The following TRABD2B variants were observed in gnomAD, a reference collection of about 807,000 sequenced individuals.
TRABD2B encodes metalloprotease TIKI2.
Under a neutral mutation model 40.1 loss-of-function variants are expected in TRABD2B, and 14 were observed. The observed-to-expected ratio is 0.35, with a 90% CI of 0.23 to 0.55. The LOEUF (loss-of-function observed/expected upper bound fraction) is 0.55. Ranked by LOEUF, TRABD2B falls within the 20% of genes least tolerant of loss-of-function variation. The pLI is 0.90. For missense variants in TRABD2B, 541 were observed against 648.6 expected (o/e 0.83, Z 1.80); for synonymous variants, 263 against 277.0 (o/e 0.95, Z 0.50).
At chr1:47,769,482 A>C (rs1644350987) in intron 6 of TRABD2B, among the ~76,000 whole-genome samples, 1 of 152,178 alleles carries the variant, frequency 6.6e-6, no homozygotes, top group Non-Finnish European at 1.5e-5. Context: ...GCTTGGCAGG[A>C]GTCCCAGAGA....
chr1:47,885,325 G>A (rs983639040), intron 2 of TRABD2B, among the ~76,000 whole-genome samples: 2 of 152,164 alleles, frequency 1.3e-5, no homozygotes, highest in Non-Finnish European at 2.9e-5. Flanking sequence ...CAGGCTAGGT[G>A]TGTTCTCAGT....
At chr1:47,891,974 T>C (rs764764956) in intron 2 of TRABD2B, among the ~76,000 whole-genome samples, 20 of 152,110 alleles carry the variant, frequency 1.3e-4, no homozygotes, top group African/African-American at 2.4e-4. Flanking sequence ...TTAGGCCACA[T>C]TAGGATTTAG....
chr1:47,832,684 A>G (rs1645266698), intron 2 of TRABD2B, among the ~76,000 whole-genome samples: 1 of 152,174 alleles, frequency 6.6e-6, no homozygotes, highest in East Asian at 1.9e-4. Flanking sequence ...TTACTTGAGC[A>G]CCTGCTGTCT....
intron 4 of TRABD2B, among the ~76,000 whole-genome samples, chr1:47,787,630 T>C (rs551812602): frequency 6.6e-6 from 1 of 152,314 alleles, no homozygotes; most frequent in South Asian, 2.1e-4. Context: ...CAATCTAGCC[T>C]CAGCTTCCAA....
At chr1:47,789,462 C>A (rs1019792830) in intron 4 of TRABD2B, among the ~76,000 whole-genome samples, 2 of 152,178 alleles carry the variant, frequency 1.3e-5, no homozygotes, top group South Asian at 2.1e-4. Context: ...TCATCTTATA[C>A]CATAACGTTC....
intron 2 of TRABD2B, among the ~76,000 whole-genome samples, chr1:47,929,692 C>T (rs1434497285): frequency 1.3e-5 from 2 of 152,178 alleles, no homozygotes; most frequent in Admixed American, 6.5e-5. Flanking sequence ...GAACCCAGCT[C>T]GGGACCTGGC....
At chr1:47,903,285 AG>A (rs1004812284) in intron 2 of TRABD2B, among the ~76,000 whole-genome samples, 6 of 152,074 alleles carry the variant, frequency 3.9e-5, no homozygotes, top group African/African-American at 1.4e-4. Flanking sequence ...ACCCTACGTC[AG>A]GGGGCTTCTG....
chr1:47,788,817 T>C (rs1644631282), intron 4 of TRABD2B, among the ~76,000 whole-genome samples: 1 of 152,136 alleles, frequency 6.6e-6, no homozygotes, highest in South Asian at 2.1e-4. Flanking sequence ...GAGTTTGAAA[T>C]GAATGGGCCC....
chr1:47,865,181 G>A (rs1281346153), intron 2 of TRABD2B, among the ~76,000 whole-genome samples: 3 of 152,216 alleles, frequency 2.0e-5, no homozygotes, highest in Non-Finnish European at 4.4e-5. Context: ...TTCTTTGGGA[G>A]GTCATTGCCC....
chr1:47,964,985 C>T (rs1645577251), intron 2 of TRABD2B, among the ~76,000 whole-genome samples: 1 of 151,918 alleles, frequency 6.6e-6, no homozygotes, highest in Admixed American at 6.6e-5. Context: ...CCATTCAGGG[C>T]ACTGAGCCAT....
intron 2 of TRABD2B, among the ~76,000 whole-genome samples, chr1:47,833,533 T>C (rs1353082403): frequency 6.6e-6 from 1 of 152,218 alleles, no homozygotes; most frequent in African/African-American, 2.4e-5. Context: ...CTGGGATGGG[T>C]GAACACATGC....
intron 2 of TRABD2B, among the ~76,000 whole-genome samples, chr1:47,971,397 G>A (rs1329235702): frequency 1.3e-5 from 2 of 152,192 alleles, no homozygotes; most frequent in African/African-American, 4.8e-5. Context: ...AGCCAGCCTT[G>A]GGTATAGTTA....
chr1:47,833,436 G>C (rs543530431), intron 2 of TRABD2B, among the ~76,000 whole-genome samples: 1 of 152,356 alleles, frequency 6.6e-6, no homozygotes, highest in Admixed American at 6.5e-5. Context: ...AGTAGCATTT[G>C]GTTGAGTTAA....
At chr1:47,913,915 G>C (rs900119138) in intron 2 of TRABD2B, among the ~76,000 whole-genome samples, 1 of 152,204 alleles carries the variant, frequency 6.6e-6, no homozygotes, top group Non-Finnish European at 1.5e-5. Flanking sequence ...TTATAGATGA[G>C]AAAACTAAGG....
intron 2 of TRABD2B, among the ~76,000 whole-genome samples, chr1:47,937,949 G>GA (rs1645135739): frequency 1.3e-5 from 2 of 152,162 alleles, no homozygotes; most frequent in Non-Finnish European, 2.9e-5. Context: ...GAGGATATGG[G>GA]AAAAAACTCC....
intron 2 of TRABD2B, among the ~76,000 whole-genome samples, chr1:47,909,272 A>T (rs1268643221): frequency 6.6e-6 from 1 of 152,178 alleles, no homozygotes; most frequent in Non-Finnish European, 1.5e-5. Flanking sequence ...TACTTGGCTC[A>T]TGGTTCTGCA....
chr1:47,833,858 A>ATG (rs1645282270), intron 2 of TRABD2B, among the ~76,000 whole-genome samples: 1 of 152,268 alleles, frequency 6.6e-6, no homozygotes, highest in South Asian at 2.1e-4. Context: ...ACAGACAAAA[A>ATG]TGGTCAGAAT....
At chr1:47,866,890 A>T (rs1482587726) in intron 2 of TRABD2B, among the ~76,000 whole-genome samples, 1 of 152,108 alleles carries the variant, frequency 6.6e-6, no homozygotes, top group Admixed American at 6.5e-5. Flanking sequence ...CTACTAATGG[A>T]TTTCAAAGGC....
chr1:47,835,998 G>C (rs1645313402), intron 2 of TRABD2B, among the ~76,000 whole-genome samples: 1 of 152,166 alleles, frequency 6.6e-6, no homozygotes, highest in Admixed American at 6.5e-5. Flanking sequence ...TGAGGTACAA[G>C]GATGCAATTT....
Sources: gnomAD v4.1 joint callset for allele counts (sites outside exome capture counted in the v4.1 genomes callset) on GRCh38, gnomAD v4.1.1 for gene constraint, MANE v1.5 for transcripts, NCBI Gene and HGNC (gene_info 2026-07-23, HGNC 2026-07-21) for gene names.